Variants in TMEM132D observed in about 807,000 individuals in gnomAD.
The protein encoded by TMEM132D is transmembrane protein 132D, also known as mature OL transmembrane protein.
In TMEM132D, 21 loss-of-function variants were observed where a neutral mutation model predicts 62.3. The ratio of observed to expected loss-of-function variants is 0.34; its 90% CI spans 0.24 to 0.49. The LOEUF (loss-of-function observed/expected upper bound fraction) is 0.49, where lower values mean the gene tolerates loss of function less well. Among genes scored for constraint, TMEM132D ranks in the 20% least tolerant of loss-of-function variants. The pLI, the probability that TMEM132D is intolerant of heterozygous loss-of-function variation, is 0.99. For missense variants in TMEM132D, 1,346 were observed against 1,402.8 expected, an observed-to-expected ratio of 0.96 and a Z score of 0.65; for synonymous variants, 621 against 575.6, an observed-to-expected ratio of 1.08 and a Z score of -1.13.
At chr12:129,215,337 G>T (rs1466562419) in intron 4 of TMEM132D, among the ~76,000 whole-genome samples, 1 of 152,178 alleles carries the variant, frequency 6.6e-6, no homozygotes, top group Admixed American at 6.5e-5. Context: ...TGAGGGTGGA[G>T]GTTGGGAGGA....
At chr12:129,418,686 C>A (rs1460379004) in intron 3 of TMEM132D, among the ~76,000 whole-genome samples, 1 of 151,956 alleles carries the variant, frequency 6.6e-6, no homozygotes, top group East Asian at 1.9e-4. Flanking sequence ...ATGTAACAAA[C>A]CTGCACATTC....
At chr12:129,120,362 C>A (rs909384927) in intron 5 of TMEM132D, among the ~76,000 whole-genome samples, 3 of 152,194 alleles carry the variant, frequency 2.0e-5, no homozygotes, top group Non-Finnish European at 2.9e-5. Context: ...CCAAGCTAAT[C>A]TCACCAATAA....
At position 129,700,164 on chromosome 12, in the gene TMEM132D, G is replaced by C. The variant is rs746510617; in HGVS notation, c.614C>G (p.Pro205Arg). Residue 205 changes from proline (P) to arginine (R), a missense_variant, in exon 2 of 9, where the codon CCC becomes CGC. Transcript: ENST00000422113. ...CCTCCTCCCGGCAACCACCGTGGGG[G>C]GGCTGAACCAGCTGGACAGGAGCTC... ...ELELLSSWFS[P>R]PTVVAGRRKS... 6.2e-7 allele frequency: 1 copy of C among 1,613,050 alleles called. No homozygotes were observed. The highest frequency in any genetic ancestry group is 2.2e-5 in the East Asian group (1 of 44,858).
At chr12:129,675,426 A>G (rs559150524) in intron 2 of TMEM132D, among the ~76,000 whole-genome samples, 2 of 152,290 alleles carry the variant, frequency 1.3e-5, no homozygotes, top group South Asian at 4.1e-4. Context: ...TAATGCAGGC[A>G]GGGTTTAAAA....
chr12:129,693,684 A>T (rs981969572), intron 2 of TMEM132D, among the ~76,000 whole-genome samples: 1 of 152,118 alleles, frequency 6.6e-6, no homozygotes, highest in Non-Finnish European at 1.5e-5. Flanking sequence ...AGTCAAGCTC[A>T]TTGAGCAGAG....
chr12:129,537,147 G>A (rs1439592849), intron 2 of TMEM132D, among the ~76,000 whole-genome samples: 1 of 73,342 alleles, frequency 1.4e-5, no homozygotes, highest in African/African-American at 5.7e-5. Flanking sequence ...GTGACAGAGT[G>A]AAACTCTGTC....
intron 1 of TMEM132D, among the ~76,000 whole-genome samples, chr12:129,797,307 G>A (rs976098092): frequency 6.6e-6 from 1 of 152,246 alleles, no homozygotes; most frequent in South Asian, 2.1e-4. Flanking sequence ...ACTGCCCTTT[G>A]GAATAATTTC....
chr12:129,533,742 G>T (rs1301746835), intron 2 of TMEM132D, among the ~76,000 whole-genome samples: 1 of 152,184 alleles, frequency 6.6e-6, no homozygotes, highest in Non-Finnish European at 1.5e-5. Flanking sequence ...ATAGTCGGTA[G>T]CATTATTTCT....
At chr12:129,204,818 C>CT (rs1158432329) in intron 5 of TMEM132D, among the ~76,000 whole-genome samples, 9 of 152,184 alleles carry the variant, frequency 5.9e-5, no homozygotes, top group Non-Finnish European at 1.0e-4. Context: ...ACCAGGCTAA[C>CT]AGTGGACCTT....
chr12:129,682,144 C>G (rs1038504938), intron 2 of TMEM132D, among the ~76,000 whole-genome samples: 1 of 152,156 alleles, frequency 6.6e-6, no homozygotes, highest in Non-Finnish European at 1.5e-5. Flanking sequence ...TCAACATCAG[C>G]CCTCTTGGAA....
At chr12:129,667,100 T>A (rs1291011422) in intron 2 of TMEM132D, among the ~76,000 whole-genome samples, 1 of 152,190 alleles carries the variant, frequency 6.6e-6, no homozygotes, top group Non-Finnish European at 1.5e-5. Context: ...CATACTGATG[T>A]GGGGCCGGAA....
intron 4 of TMEM132D, among the ~76,000 whole-genome samples, chr12:129,233,748 TC>T (rs1879708417): frequency 6.6e-6 from 1 of 152,166 alleles, no homozygotes; most frequent in Non-Finnish European, 1.5e-5. Flanking sequence ...TGCCTCAGCC[TC>T]CTGAGTAGCT....
At chr12:129,138,742 T>A (rs760457878) in intron 5 of TMEM132D, among the ~76,000 whole-genome samples, 6 of 152,170 alleles carry the variant, frequency 3.9e-5, no homozygotes, top group Admixed American at 6.5e-5. Flanking sequence ...TGGCTAGAAC[T>A]TTTTTGATCT....
chr12:129,380,832 T>G (rs771856797), intron 3 of TMEM132D, among the ~76,000 whole-genome samples: 52 of 152,226 alleles, frequency 3.4e-4, no homozygotes, highest in Non-Finnish European at 4.7e-4. Context: ...TGTAACCTTT[T>G]AGAACTAGAA....
intron 1 of TMEM132D, among the ~76,000 whole-genome samples, chr12:129,813,136 A>T (rs1263810419): frequency 6.6e-6 from 1 of 151,704 alleles, no homozygotes; most frequent in African/African-American, 2.4e-5. Context: ...TCCATCTGTA[A>T]ATCTTATTAA....
chr12:129,495,705 AG>A (rs1396687268), intron 3 of TMEM132D, among the ~76,000 whole-genome samples: 1 of 152,164 alleles, frequency 6.6e-6, no homozygotes, highest in Non-Finnish European at 1.5e-5. Context: ...CACAAGCCTA[AG>A]ACAATGGGGA....
chr12:129,839,377 C>T (rs1465214601), intron 1 of TMEM132D, among the ~76,000 whole-genome samples: 1 of 151,686 alleles, frequency 6.6e-6, no homozygotes, highest in African/African-American at 2.4e-5. Context: ...CCGCCTGCCT[C>T]GGCCTCCCAA....
At chr12:129,621,726 G>T (rs61943557) in intron 2 of TMEM132D, among the ~76,000 whole-genome samples, 3 of 152,148 alleles carry the variant, frequency 2.0e-5, no homozygotes, top group African/African-American at 7.2e-5. Flanking sequence ...TCCAGTGGAG[G>T]TAGGTACTAT....
intron 4 of TMEM132D, among the ~76,000 whole-genome samples, chr12:129,289,040 T>C (rs1211479214): frequency 6.6e-6 from 1 of 151,670 alleles, no homozygotes; most frequent in African/African-American, 2.4e-5. Flanking sequence ...TGAATGGAGG[T>C]CTCTAAAATA....
Sources: gnomAD v4.1 joint callset for allele counts (sites outside exome capture counted in the v4.1 genomes callset) on GRCh38, gnomAD v4.1.1 for gene constraint, MANE v1.5 for transcripts, NCBI Gene and HGNC (gene_info 2026-07-23, HGNC 2026-07-21) for gene names.